Variants in CDH12 observed in about 807,000 individuals in gnomAD.
CDH12 encodes the protein cadherin-12.
A neutral mutation model predicts 74.1 loss-of-function variants in CDH12; 41 were observed. The ratio of observed to expected loss-of-function variants is 0.55; its 90% CI spans 0.43 to 0.72. The LOEUF is 0.72. Among genes scored for constraint, CDH12 ranks in the 30% least tolerant of loss-of-function variants. The pLI, the probability that CDH12 is intolerant of heterozygous loss-of-function variation, is 0.00. For missense variants in CDH12, 945 were observed against 977.2 expected (o/e 0.97, Z 0.44); for synonymous variants, 399 against 355.0 (o/e 1.12, Z -1.39).
At chr5:21,756,721 G>C (rs1744417943) in intron 13 of CDH12, among the ~76,000 whole-genome samples, 1 of 152,036 alleles carries the variant, frequency 6.6e-6, no homozygotes, top group Admixed American at 6.6e-5. Flanking sequence ...ACAATATGTA[G>C]TTTATTATAG....
intron 1 of CDH12, among the ~76,000 whole-genome samples, chr5:22,816,778 T>G (rs949975025): frequency 6.6e-6 from 1 of 152,110 alleles, no homozygotes; most frequent in African/African-American, 2.4e-5. Flanking sequence ...TTTAAGTCAG[T>G]GGGAGGTAAA....
At chr5:22,114,508 T>A (rs968483414) in intron 4 of CDH12, among the ~76,000 whole-genome samples, 6 of 152,166 alleles carry the variant, frequency 3.9e-5, no homozygotes, top group Non-Finnish European at 2.9e-5. Context: ...ATAAAGGGGA[T>A]CTCTTACATT....
chr5:22,047,493 GTATAAAAGAAAA>G (rs1285129102), intron 5 of CDH12, among the ~76,000 whole-genome samples: 1 of 151,736 alleles, frequency 6.6e-6, no homozygotes, highest in African/African-American at 2.4e-5. Context: ...TTATATGCAG[GTATAAAAGAAAA>G]TATGAAAGAT....
At chr5:21,785,710 G>T (rs1746161338) in intron 10 of CDH12, among the ~76,000 whole-genome samples, 1 of 152,190 alleles carries the variant, frequency 6.6e-6, no homozygotes, top group Admixed American at 6.5e-5. Context: ...AACTGCAGAA[G>T]AAAAGTGTGA....
chr5:21,878,817 A>AG (rs1033237670), intron 6 of CDH12, among the ~76,000 whole-genome samples: 13 of 150,336 alleles, frequency 8.6e-5, no homozygotes, highest in East Asian at 5.9e-4. Flanking sequence ...AGAAAGAAAG[A>AG]AAGAGAAAAG....
intron 4 of CDH12, among the ~76,000 whole-genome samples, chr5:22,169,373 TATGCATCTAAAA>T (rs1748885225): frequency 6.6e-6 from 1 of 152,066 alleles, no homozygotes; most frequent in Admixed American, 6.6e-5. Context: ...AGAAACCTTC[TATGCATCTAAAA>T]ATGAACAGTC....
chr5:22,300,661 T>C (rs1336167699), intron 3 of CDH12, among the ~76,000 whole-genome samples: 1 of 152,222 alleles, frequency 6.6e-6, no homozygotes, highest in Non-Finnish European at 1.5e-5. Context: ...TGTGAAATGT[T>C]ATGAAACATT....
At chr5:22,614,434 G>C (rs1476817283) in intron 1 of CDH12, among the ~76,000 whole-genome samples, 1 of 152,226 alleles carries the variant, frequency 6.6e-6, no homozygotes, top group African/African-American at 2.4e-5. Context: ...TTGTTATCTT[G>C]AGCTGAGCTA....
At chr5:22,249,525 C>G (rs1218738454) in intron 3 of CDH12, among the ~76,000 whole-genome samples, 2 of 152,120 alleles carry the variant, frequency 1.3e-5, no homozygotes, top group Admixed American at 6.5e-5. Flanking sequence ...CATCAAAGAG[C>G]CTCAAGGAGC....
chr5:22,540,686 T>G (rs2126718534), intron 1 of CDH12, among the ~76,000 whole-genome samples: 1 of 152,244 alleles, frequency 6.6e-6, no homozygotes, highest in South Asian at 2.1e-4. Flanking sequence ...ACACATAAAT[T>G]TAAAGAATAC....
At chr5:22,665,691 A>T (rs1460839007) in intron 1 of CDH12, among the ~76,000 whole-genome samples, 2 of 152,148 alleles carry the variant, frequency 1.3e-5, no homozygotes, top group African/African-American at 2.4e-5. Flanking sequence ...CAACTTTTTA[A>T]TTCAAATTCC....
At chr5:22,718,079 GT>G (rs1420226505) in intron 1 of CDH12, among the ~76,000 whole-genome samples, 1 of 152,108 alleles carries the variant, frequency 6.6e-6, no homozygotes, top group East Asian at 1.9e-4. Flanking sequence ...GCTAATACAT[GT>G]TTATTAAATA....
At chr5:22,264,926 ATTCT>A (rs1308421089) in intron 3 of CDH12, among the ~76,000 whole-genome samples, 3 of 152,194 alleles carry the variant, frequency 2.0e-5, no homozygotes, top group African/African-American at 7.2e-5. Flanking sequence ...ATGGCGAGAC[ATTCT>A]TTGACGTATA....
intron 4 of CDH12, among the ~76,000 whole-genome samples, chr5:22,080,940 C>A (rs563019716): frequency 6.6e-6 from 1 of 151,712 alleles, no homozygotes; most frequent in Non-Finnish European, 1.5e-5. Context: ...CCACCACACC[C>A]GGCTAATTTT....
chr5:22,358,340 G>A lies in CDH12; in HGVS notation c.-333+46917C>T, dbSNP rs529199029. 4.6e-5 allele frequency among the ~76,000 whole-genome samples: 7 copies of A among 151,994 alleles called. No homozygotes were observed. In the South Asian group the frequency reaches 1.0e-3, roughly 23 times the overall value. ...AGGAGAATAACTTGAACCCGGAGGC[G>A]GAGGTTGCAGTGAGTGAAGATCATC... On this transcript the variant is annotated intron_variant, in intron 3 of 14. Transcript: ENST00000382254.
intron 1 of CDH12, among the ~76,000 whole-genome samples, chr5:22,560,030 TG>T (rs1738970009): frequency 6.6e-6 from 1 of 152,182 alleles, no homozygotes; most frequent in Admixed American, 6.6e-5. Flanking sequence ...CCAATCAATT[TG>T]TGCATCAACT....
rs78100315 is a variant in CDH12, at chr5:21,885,120, C to G, written c.527-30330G>C. ...CAGGCTGATCTGGAACTCCTGACCT[C>G]AGGTGATCCACTTGTCTCAGCCTCC... is the stretch of plus-strand genomic sequence containing the variant. On this transcript the variant is annotated intron_variant, in intron 6 of 14. Coordinates refer to ENST00000382254, the MANE Select transcript of CDH12 (RefSeq NM_004061.5). Among the ~76,000 whole-genome samples, 48 of 152,180 alleles carry G rather than the reference C, an allele frequency of 3.2e-4. No individual in the cohort carries two copies. The East Asian group carries it at 8.5e-3, about 27-fold the overall frequency.
chr5:22,484,210 T>C (rs1561438728), intron 2 of CDH12, among the ~76,000 whole-genome samples: 1 of 152,212 alleles, frequency 6.6e-6, no homozygotes, highest in Non-Finnish European at 1.5e-5. Context: ...AGTAAAAGCA[T>C]ATATTACAAA....
At chr5:22,787,722 A>G (rs1747706830) in intron 1 of CDH12, among the ~76,000 whole-genome samples, 1 of 152,138 alleles carries the variant, frequency 6.6e-6, no homozygotes, top group Non-Finnish European at 1.5e-5. Context: ...AGCTCTCGCT[A>G]CAAACATTTT....
Sources: gnomAD v4.1 joint callset for allele counts (sites outside exome capture counted in the v4.1 genomes callset) on GRCh38, gnomAD v4.1.1 for gene constraint, MANE v1.5 for transcripts, NCBI Gene and HGNC (gene_info 2026-07-23, HGNC 2026-07-21) for gene names.